ANOS1: variants seen among roughly 807,000 people sequenced by gnomAD.
The protein encoded by ANOS1 is anosmin 1, also known as anosmin-1.
Under a neutral mutation model 59.0 loss-of-function variants are expected in ANOS1, and 6 were observed. That is an observed-to-expected ratio of 0.10 (90% CI 0.06 to 0.20). The LOEUF is 0.20. Ranked by LOEUF, ANOS1 falls within the 10% of genes least tolerant of loss-of-function variation. The pLI is 1.00. For synonymous variants in ANOS1, 217 were observed against 223.4 expected (o/e 0.97, Z 0.25); for missense variants, 433 against 542.3 (o/e 0.80, Z 2.00).
At chrX:8,604,415 C>A (rs2146832170) in intron 3 of ANOS1, among the ~76,000 whole-genome samples, 1 of 112,285 alleles carries the variant, frequency 8.9e-6, no homozygotes, top group Admixed American at 9.5e-5. Flanking sequence ...AATTTGTGTT[C>A]AGTTATTAGA....
intron 1 of ANOS1, among the ~76,000 whole-genome samples, chrX:8,722,862 T>C (rs993255550): frequency 4.3e-4 from 48 of 112,049 alleles, no homozygotes; most frequent in African/African-American, 1.6e-3. Flanking sequence ...CATGTCAACA[T>C]CTATTATTTT....
chrX:8,600,595 G>T (rs1001664943), intron 3 of ANOS1, among the ~76,000 whole-genome samples: 3 of 111,846 alleles, frequency 2.7e-5, no homozygotes, highest in African/African-American at 9.7e-5. Context: ...TAATTAAAAA[G>T]AAACTTTATA....
intron 2 of ANOS1, among the ~76,000 whole-genome samples, chrX:8,638,029 T>C (rs745363181): frequency 7.1e-4 from 79 of 111,865 alleles, no homozygotes; most frequent in African/African-American, 2.5e-3. Flanking sequence ...GACTCTCACA[T>C]TGTTACTCCA....
At chrX:8,572,485 T>C (rs895878102) in intron 6 of ANOS1, among the ~76,000 whole-genome samples, 3 of 112,286 alleles carry the variant, frequency 2.7e-5, no homozygotes, top group African/African-American at 6.5e-5. Context: ...CATGGCTGCA[T>C]AGTATTCCAT....
chrX:8,534,807 C>T (rs1929562190), intron 12 of ANOS1, among the ~76,000 whole-genome samples: 1 of 111,624 alleles, frequency 9.0e-6, no homozygotes, highest in Non-Finnish European at 1.9e-5. Context: ...AGCTGCACAT[C>T]TTGTGATGTG....
chrX:8,656,587 T>C (rs1931934128), intron 2 of ANOS1, among the ~76,000 whole-genome samples: 1 of 111,385 alleles, frequency 9.0e-6, no homozygotes, highest in African/African-American at 3.3e-5. Flanking sequence ...ACTGAAGTTA[T>C]TGCAATCATT....
At chrX:8,613,186 T>C (rs1424269632) in intron 3 of ANOS1, among the ~76,000 whole-genome samples, 1 of 106,375 alleles carries the variant, frequency 9.4e-6, no homozygotes, top group African/African-American at 3.5e-5. Context: ...CATTTTCATC[T>C]GCTGATTTTT....
chrX:8,689,527 T>C (rs1225892459), intron 2 of ANOS1, among the ~76,000 whole-genome samples: 1 of 107,225 alleles, frequency 9.3e-6, no homozygotes, highest in African/African-American at 3.4e-5. Flanking sequence ...TGAGATCTTG[T>C]CTCTACAAAT....
At chrX:8,730,580 A>ACCCCCCCCCCCCCCCC (rs61212461) in intron 1 of ANOS1, among the ~76,000 whole-genome samples, 16 of 79,354 alleles carry the variant, frequency 2.0e-4, no homozygotes, top group South Asian at 9.9e-4. Flanking sequence ...CTCTAGGGGG[A>ACCCCCCCCCCCCCCCC]CCCCCCCCCC....
At chrX:8,604,054 CA>C (rs1333231992) in intron 3 of ANOS1, among the ~76,000 whole-genome samples, 1 of 111,669 alleles carries the variant, frequency 9.0e-6, no homozygotes, top group Non-Finnish European at 1.9e-5. Context: ...CCAGTCCCCA[CA>C]ACTGTTATTA....
chrX:8,643,818 T>G (rs1931704964), intron 2 of ANOS1, among the ~76,000 whole-genome samples: 1 of 111,877 alleles, frequency 8.9e-6, no homozygotes, highest in South Asian at 3.7e-4. Flanking sequence ...ACATTTCCTT[T>G]CCATTGATCC....
chrX:8,585,866 G>A (rs948789954), intron 5 of ANOS1, among the ~76,000 whole-genome samples: 5 of 111,745 alleles, frequency 4.5e-5, no homozygotes, highest in African/African-American at 3.3e-5. Flanking sequence ...CCAAGCCACT[G>A]TTTAAAAATC....
chrX:8,626,111 C>CAAAAAAAAAAAAAAAAAAAAA (rs138234272), intron 2 of ANOS1, among the ~76,000 whole-genome samples: 2 of 24,520 alleles, frequency 8.2e-5, no homozygotes, highest in African/African-American at 3.1e-4. Flanking sequence ...GACTCTGTCT[C>CAAAAAAAAAAAAAAAAAAAAA]AAAAAAAAAA....
At chrX:8,682,389 G>A (rs1932440222) in intron 2 of ANOS1, among the ~76,000 whole-genome samples, 1 of 101,884 alleles carries the variant, frequency 9.8e-6, no homozygotes, top group African/African-American at 4.3e-5. Flanking sequence ...TACACAAAAG[G>A]GACTGGAGCA....
intron 3 of ANOS1, among the ~76,000 whole-genome samples, chrX:8,609,497 T>C (rs939800521): frequency 8.9e-6 from 1 of 111,917 alleles, no homozygotes; most frequent in Non-Finnish European, 1.9e-5. Context: ...TTGAATGTTA[T>C]GTTATTACGA....
intron 2 of ANOS1, among the ~76,000 whole-genome samples, chrX:8,677,962 T>C (rs983382320): frequency 2.7e-5 from 3 of 110,694 alleles, no homozygotes; most frequent in East Asian, 5.8e-4. Context: ...AGAACTAAAT[T>C]AAAAAATTAA....
chrX:8,612,069 T>C (rs1361574330), intron 3 of ANOS1, among the ~76,000 whole-genome samples: 1 of 111,821 alleles, frequency 8.9e-6, no homozygotes, highest in Non-Finnish European at 1.9e-5. Context: ...AATGAAAGTA[T>C]ATTGTTATGA....
At chrX:8,663,505 G>T (rs1338086811) in intron 2 of ANOS1, among the ~76,000 whole-genome samples, 2 of 111,357 alleles carry the variant, frequency 1.8e-5, no homozygotes, top group African/African-American at 6.5e-5. Context: ...TGGTAGATAA[G>T]AAAAGAAACA....
rs144343156 is a variant in ANOS1, at chrX:8,550,007, C to T, written c.1354+3945G>A. On this transcript the variant is annotated intron_variant, in intron 9 of 13. Coordinates refer to ENST00000262648, the MANE Select transcript of ANOS1 (RefSeq NM_000216.4). Reference sequence around the variant, plus strand: ...CTGAAACTCTCAGCCAGTTTTAAGGCAAGGGAAAACTAAAACATCAAAGAT... The same window carrying T: ...CTGAAACTCTCAGCCAGTTTTAAGGTAAGGGAAAACTAAAACATCAAAGAT... Among the ~76,000 whole-genome samples the T allele has an allele frequency of 3.4e-3, 375 of 111,001 alleles. 2 individuals are homozygous for T. The highest frequency in any genetic ancestry group is 0.012 in the African/African-American group (359 of 30,581).
Sources: gnomAD v4.1 joint callset for allele counts (sites outside exome capture counted in the v4.1 genomes callset) on GRCh38, gnomAD v4.1.1 for gene constraint, MANE v1.5 for transcripts, NCBI Gene and HGNC (gene_info 2026-07-23, HGNC 2026-07-21) for gene names.